CDX2: variants seen among roughly 807,000 people sequenced by gnomAD.
CDX2 encodes caudal type homeobox 2.
Under a neutral mutation model 25.5 loss-of-function variants are expected in CDX2, and 7 were observed. The ratio of observed to expected loss-of-function variants is 0.27; its 90% confidence interval spans 0.16 to 0.52. CDX2 has a LOEUF of 0.52. Among genes scored for constraint, CDX2 ranks in the 20% least tolerant of loss-of-function variants. CDX2 has a pLI of 0.97. For missense variants in CDX2, 375 were observed against 431.4 expected (o/e 0.87, Z 1.16); for synonymous variants, 222 against 198.6 (o/e 1.12, Z -0.99).
At position 27,963,063 on chromosome 13, in the gene CDX2, C is replaced by T. The variant is rs527497162; in HGVS notation, c.*52G>A. On this transcript the variant is annotated 3_prime_UTR_variant, in exon 3 of 3. Coordinates refer to ENST00000381020, the MANE Select transcript of CDX2 (RefSeq NM_001265.6). ...CTCCTGAGGAGTCTAGCAGAGTCCACGCTCCTCATGGCTCAGCCTGGAATT... is the reference window on the plus strand; with the variant it reads ...CTCCTGAGGAGTCTAGCAGAGTCCATGCTCCTCATGGCTCAGCCTGGAATT... 6.5e-5 allele frequency: 101 copies of T among 1,563,828 alleles called. 1 individual carries two copies. Among genetic ancestry groups the T allele is most frequent in the South Asian group, 6.3e-4 (52 of 82,352 alleles).
At position 27,962,833 on chromosome 13, in the gene CDX2, G is replaced by T; in HGVS notation, c.*282C>A. ...GGCCTGGTTGGTGTGGTCAGTCCAG[G>T]CAATGCTTCTGCCAGTCCGGAATGA... On this transcript the variant is annotated 3_prime_UTR_variant, in exon 3 of 3. Transcript: ENST00000381020. 2.6e-6 allele frequency: 1 copy of T among 384,386 alleles called. No homozygotes were observed. Among genetic ancestry groups the T allele is most frequent in the South Asian group, 7.8e-5 (1 of 12,760 alleles). 23.8% of individuals were successfully genotyped at this position (384,386 alleles called of 1,614,324 possible).
At position 27,962,458 on chromosome 13, in the gene CDX2, C is replaced by T. The variant is rs1341709302; in HGVS notation, c.*657G>A. 1 of 233,268 alleles carries T rather than the reference C, an allele frequency of 4.3e-6. No individual in the cohort carries two copies. The highest frequency in any genetic ancestry group is 8.5e-6 in the Non-Finnish European group (1 of 117,868). 14.4% of individuals were successfully genotyped at this position (233,268 alleles called of 1,614,324 possible). A position where few individuals can be genotyped will look rare whatever the true frequency, so the allele number is the denominator to read the frequency against. The stretch of plus-strand genomic sequence containing the variant: ...TCTCTAAACAAGTCCCTGTTCGGGC[C>T]CCCTGGTCAGGCCTGGAGTCCAATA... On this transcript the variant is annotated 3_prime_UTR_variant, in exon 3 of 3. Transcript: ENST00000381020.
intron 1 of CDX2, among the ~76,000 whole-genome samples, chr13:27,968,204 G>A (rs1002880766): frequency 1.3e-5 from 2 of 152,258 alleles, no homozygotes; most frequent in African/African-American, 4.8e-5. Context: ...GTGTCCCGGG[G>A]TTGCGAATGA....
At chr13:27,965,874 G>C (rs912743185) in intron 1 of CDX2, among the ~76,000 whole-genome samples, 3 of 152,176 alleles carry the variant, frequency 2.0e-5, no homozygotes, top group African/African-American at 7.2e-5. Flanking sequence ...CAGAGCCCTG[G>C]CCAGAAGCTG....
intron 1 of CDX2, among the ~76,000 whole-genome samples, chr13:27,967,575 A>C (rs1470363805): frequency 6.6e-6 from 1 of 152,212 alleles, no homozygotes; most frequent in Non-Finnish European, 1.5e-5. Context: ...CAGAAGGGGC[A>C]GACCCAGAGT....
Position 27,961,689 on chromosome 13 carries a change from A to AT in CDX2, c.*1425dup, listed in dbSNP as rs200320749. ...AATGCTGTCTTGGGAAACTAGGGGG[A>AT]TTTTTTTTAAAAAAAATTTAATGCT... On this transcript the variant is annotated 3_prime_UTR_variant, in exon 3 of 3. Transcript: ENST00000381020. 2.6e-3 allele frequency among the ~76,000 whole-genome samples: 156 copies of AT among 60,224 alleles called. No homozygotes were observed. Among genetic ancestry groups the AT allele is most frequent in the African/African-American group, 7.6e-3 (147 of 19,458 alleles). The allele number at this position is 60,224 out of a possible 152,430, so 39.5% of individuals were successfully genotyped here.
At chr13:27,965,270 TCA>T (rs1372459565) in intron 1 of CDX2, among the ~76,000 whole-genome samples, 1 of 152,118 alleles carries the variant, frequency 6.6e-6, no homozygotes, top group Non-Finnish European at 1.5e-5. Flanking sequence ...AAAACCTCAT[TCA>T]CACAGAAGAC....
In CDX2 at chr13:27,969,272, A is replaced by G. The variant is rs867041062; in HGVS notation, c.-266T>C. 1.1e-4 allele frequency: 55 copies of G among 503,294 alleles called. No individual in the cohort carries two copies. The highest frequency in any genetic ancestry group is 5.2e-4 in the Middle Eastern group (1 of 1,936). 31.2% of individuals were successfully genotyped at this position (503,294 alleles called of 1,614,324 possible). ...GCTGCAGAGGCGGGGAAGACCCGCC[A>G]CAGGCTGGCGTGCGGAGCCCCAGGC... On this transcript the variant is annotated 5_prime_UTR_variant, in exon 1 of 3. Transcript: ENST00000381020.
At chr13:27,963,509 C>A in intron 2 of CDX2, 140 bp from the exon 3 acceptor site, 1 of 679,638 alleles carries the variant, frequency 1.5e-6, no homozygotes. Flanking sequence ...TCGGGCATCC[C>A]CATAACAGCC....
In CDX2 at chr13:27,962,280, A is replaced by G. The variant is rs1593181238; in HGVS notation, c.*835T>C. 4.3e-6 allele frequency: 1 copy of G among 232,408 alleles called. No individual in the cohort carries two copies. The highest frequency in any genetic ancestry group is 1.8e-4 in the South Asian group (1 of 5,498). The allele number at this position is 232,408 out of a possible 1,614,324, so 14.4% of individuals were successfully genotyped here. ...AAACTCTGGCTTGGATGTTACACAG[A>G]CCAACAACCCAAACAGCAGCAACAA... On this transcript the variant is annotated 3_prime_UTR_variant, in exon 3 of 3. Transcript: ENST00000381020.
At chr13:27,965,305 G>A (rs1174615304) in intron 1 of CDX2, among the ~76,000 whole-genome samples, 1 of 152,098 alleles carries the variant, frequency 6.6e-6, no homozygotes, top group Non-Finnish European at 1.5e-5. Context: ...CCACCCTTTC[G>A]GTAAACCAAA....
chr13:27,969,090 G>T lies in CDX2; in HGVS notation c.-84C>A. The T allele has an allele frequency of 1.8e-6, 2 of 1,082,684 alleles. No individual in the cohort carries two copies. Among genetic ancestry groups the T allele is most frequent in the Non-Finnish European group, 2.6e-6 (2 of 757,740 alleles). The allele number at this position is 1,082,684 out of a possible 1,614,324, so 67.1% of individuals were successfully genotyped here. A position where few individuals can be genotyped will look rare whatever the true frequency, so the allele number is the denominator to read the frequency against. On this transcript the variant is annotated 5_prime_UTR_variant, in exon 1 of 3. Coordinates refer to ENST00000381020, the MANE Select transcript of CDX2 (RefSeq NM_001265.6). ...TGCCGGGGGGCACGAAGGGAAAGGGGCGAGGGGACTCGAGGAGCGGCGGGT... is the reference window on the plus strand; with the variant it reads ...TGCCGGGGGGCACGAAGGGAAAGGGTCGAGGGGACTCGAGGAGCGGCGGGT...
In CDX2 at chr13:27,968,350, G is replaced by A. The variant is rs561628664; in HGVS notation, c.541+116C>T. The A allele has an allele frequency of 3.2e-6, 4 of 1,259,396 alleles. No homozygotes were observed. In the African/African-American group the frequency reaches 4.7e-5, roughly 15 times the overall value. 78.0% of individuals were successfully genotyped at this position (1,259,396 alleles called of 1,614,324 possible). ...TCCGGGCCGTGCCCCTCCTGGCGCC[G>A]AGCTCCCAGACAGCCCGGGACGCCC... On this transcript the variant is annotated intron_variant, in intron 1 of 2. Transcript: ENST00000381020.
Position 27,964,821 on chromosome 13 carries a change from G to A in CDX2, c.687+49C>T, listed in dbSNP as rs1869232826. ...GCAGCCAGATTTTCTAACTCTCATG[G>A]TCCTCTGCCAGGCAGTGGCCCGCCC... On this transcript the variant is annotated intron_variant, in intron 2 of 2. Coordinates refer to ENST00000381020, the MANE Select transcript of CDX2 (RefSeq NM_001265.6). The surrounding 1 kb of genome is among the most constrained non-coding windows in gnomAD (Gnocchi z 4.7). 1.9e-6 allele frequency: 3 copies of A among 1,594,308 alleles called. No homozygotes were observed. Among genetic ancestry groups the A allele is most frequent in the African/African-American group, 1.3e-5 (1 of 74,474 alleles).
chr13:27,964,824 C>T lies in CDX2; in HGVS notation c.687+46G>A, dbSNP rs1314328623. 6.2e-7 allele frequency: 1 copy of T among 1,600,694 alleles called. No individual in the cohort carries two copies. Among genetic ancestry groups the T allele is most frequent in the African/African-American group, 1.3e-5 (1 of 74,710 alleles). Reference sequence around the variant, plus strand: ...GCCAGATTTTCTAACTCTCATGGTCCTCTGCCAGGCAGTGGCCCGCCCGGA... The same window carrying T: ...GCCAGATTTTCTAACTCTCATGGTCTTCTGCCAGGCAGTGGCCCGCCCGGA... On this transcript the variant is annotated intron_variant, in intron 2 of 2. Transcript: ENST00000381020. The surrounding 1 kb of genome is among the most constrained non-coding windows in gnomAD (Gnocchi z 4.7).
At position 27,964,092 on chromosome 13, in the gene CDX2, G is replaced by A. The variant is rs1319685748; in HGVS notation, c.688-723C>T. Among the ~76,000 whole-genome samples, 1 of 152,176 alleles carries A rather than the reference G, an allele frequency of 6.6e-6. No homozygotes were observed. Among genetic ancestry groups the A allele is most frequent in the African/African-American group, 2.4e-5 (1 of 41,464 alleles). On this transcript the variant is annotated intron_variant, in intron 2 of 2. Transcript: ENST00000381020. This position sits in a 1 kb window ranked among gnomAD's most constrained non-coding sequence, Gnocchi z 4.7. ...CAAAAAAAGAGGACTAAAGGTAGAA[G>A]GAGGCTTTTTAAAAAAGTACTCCAG...
chr13:27,967,953 C>A (rs1388939204), intron 1 of CDX2, among the ~76,000 whole-genome samples: 1 of 152,170 alleles, frequency 6.6e-6, no homozygotes. Context: ...CAAACCCGGT[C>A]CCACACACAG....
intron 1 of CDX2, among the ~76,000 whole-genome samples, chr13:27,966,014 G>T (rs1255365875): frequency 2.0e-5 from 3 of 152,252 alleles, no homozygotes; most frequent in Non-Finnish European, 2.9e-5. Context: ...CCCGCAGGCT[G>T]ACTTTGTTCA....
At position 27,969,276 on chromosome 13, in the gene CDX2, G is replaced by T. The variant is rs1030491660; in HGVS notation, c.-270C>A. On this transcript the variant is annotated 5_prime_UTR_variant, in exon 1 of 3. Coordinates refer to ENST00000381020, the MANE Select transcript of CDX2 (RefSeq NM_001265.6). ...CAGAGGCGGGGAAGACCCGCCACAG[G>T]CTGGCGTGCGGAGCCCCAGGCCGGC... 3 of 500,042 alleles carry T rather than the reference G, an allele frequency of 6.0e-6. No homozygotes were observed. In the African/African-American group the frequency reaches 6.1e-5, roughly 10 times the overall value. The allele number at this position is 500,042 out of a possible 1,614,324, so 31.0% of individuals were successfully genotyped here.
Sources: gnomAD v4.1 joint callset for allele counts (sites outside exome capture counted in the v4.1 genomes callset) on GRCh38, gnomAD v4.1.1 for gene constraint, Gnocchi (gnomAD v3.1) non-coding constraint, MANE v1.5 for transcripts, NCBI Gene and HGNC (gene_info 2026-07-23, HGNC 2026-07-21) for gene names.